The following CCM2L variants were observed in gnomAD, a reference collection of about 807,000 sequenced individuals.
The protein encoded by CCM2L is CCM2 like scaffold protein.
CCM2L carries 36 observed loss-of-function variants against 54.1 expected under a neutral mutation model. The observed-to-expected ratio is 0.67, with a 90% CI of 0.51 to 0.88. The LOEUF is 0.88. CCM2L is among the 40% of genes least tolerant of loss of function. The pLI, the probability that CCM2L is intolerant of heterozygous loss-of-function variation, is 0.00. For missense variants in CCM2L, 700 were observed against 812.1 expected (o/e 0.86, Z 1.68); for synonymous variants, 351 against 359.3 (o/e 0.98, Z 0.26).
chr20:32,028,645 G>T (rs2064886609), intron 7 of CCM2L: 1 of 241,346 alleles, frequency 4.1e-6, no homozygotes, highest in African/African-American at 2.2e-5. Flanking sequence ...GGGAATTAGG[G>T]AACACTCTCC....
At chr20:32,029,585 G>T in intron 8 of CCM2L, 115 bp from the exon 9 acceptor site, 11 of 1,356,140 alleles carry the variant, frequency 8.1e-6, no homozygotes, top group Non-Finnish European at 1.1e-5. Context: ...CCATGGGAAG[G>T]TTTTCAGAGG....
chr20:32,031,295 C>G lies in CCM2L; in HGVS notation c.1697C>G (p.Ala566Gly). ...GGCTCCAGGGGCGGGAGCGACGCCG[C>G]AGAAGACAACTACCTGTAGCCACCG... is the stretch of plus-strand genomic sequence containing the variant. ...PRGSRGGSDAAEDNYL is the reference protein window; with the variant it reads ...PRGSRGGSDAGEDNYL Residue 566 changes from alanine (A) to glycine (G), a missense_variant, in exon 10 of 10, where the codon GCA becomes GGA. Transcript: ENST00000452892. 1.6e-6 allele frequency: 2 copies of G among 1,286,010 alleles called. No homozygotes were observed. The highest frequency in any genetic ancestry group is 2.5e-5 in the South Asian group (2 of 80,834). The allele number at this position is 1,286,010 out of a possible 1,614,324, so 79.7% of individuals were successfully genotyped here. A position where few individuals can be genotyped will look rare whatever the true frequency, so the allele number is the denominator to read the frequency against.
intron 1 of CCM2L, 82 bp downstream of exon 1, chr20:32,010,566 G>C: frequency 2.0e-6 from 2 of 984,670 alleles, no homozygotes; most frequent in Non-Finnish European, 3.1e-6. Flanking sequence ...GGGGTGGGGG[G>C]TCGGTAGCGA....
intron 5 of CCM2L, 83 bp downstream of exon 5, chr20:32,019,492 C>G: frequency 9.4e-7 from 1 of 1,062,036 alleles, no homozygotes; most frequent in Non-Finnish European, 1.3e-6. Context: ...GCCCCACCCA[C>G]CAGGTTCCTA....
intron 1 of CCM2L, 80 bp downstream of exon 1, chr20:32,010,564 G>T (rs1470096733): frequency 9.2e-6 from 10 of 1,085,368 alleles, no homozygotes; most frequent in Non-Finnish European, 9.6e-6. Context: ...GCGGGGTGGG[G>T]GGTCGGTAGC....
intron 5 of CCM2L, 60 bp downstream of exon 5, chr20:32,019,469 C>A: frequency 8.1e-7 from 1 of 1,231,450 alleles, no homozygotes; most frequent in Non-Finnish European, 1.1e-6. Context: ...TTCCCCGCCC[C>A]CACCTTGCCC....
chr20:32,028,745 C>A (rs993691175), intron 7 of CCM2L: 1 of 502,626 alleles, frequency 2.0e-6, no homozygotes, highest in Non-Finnish European at 3.6e-6. Context: ...GAGGGACCAG[C>A]AGGTGCAAAC....
intron 7 of CCM2L, chr20:32,028,572 G>A: frequency 5.5e-6 from 1 of 180,374 alleles, no homozygotes; most frequent in Non-Finnish European, 1.2e-5. Flanking sequence ...GAAAGGCCAT[G>A]CATGTCACAG....
In CCM2L at chr20:32,032,136, G is replaced by A. The variant is rs1407605184; in HGVS notation, c.*822G>A. On this transcript the variant is annotated 3_prime_UTR_variant, in exon 10 of 10. Transcript: ENST00000452892. The stretch of plus-strand genomic sequence containing the variant: ...GGTTAAGACCTTAGAACTGGGTCTA[G>A]CACCCGATAAGAGCTCAATAAATGT... The A allele has an allele frequency of 1.3e-5, 2 of 152,224 alleles. No individual in the cohort carries two copies. The highest frequency in any genetic ancestry group is 2.9e-5 in the Non-Finnish European group (2 of 68,038). 9.4% of individuals were successfully genotyped at this position (152,224 alleles called of 1,614,324 possible).
intron 2 of CCM2L, 111 bp downstream of exon 2, chr20:32,015,182 A>G: frequency 8.6e-7 from 1 of 1,156,926 alleles, no homozygotes; most frequent in Non-Finnish European, 1.2e-6. Flanking sequence ...GTTGTGGCTC[A>G]TTGGAAAGAG....
At chr20:32,017,928 CCCTCTTCTA>C (rs761605677) in intron 3 of CCM2L, 42 bp from the exon 4 acceptor site, 24 of 1,613,318 alleles carry the variant, frequency 1.5e-5, no homozygotes, top group Admixed American at 5.0e-5. Flanking sequence ...GCTCCCTTCT[CCCTCTTCTA>C]CCTGCGGACC....
At chr20:32,014,626 G>A (rs1216988881) in intron 1 of CCM2L, among the ~76,000 whole-genome samples, 1 of 152,096 alleles carries the variant, frequency 6.6e-6, no homozygotes, top group Non-Finnish European at 1.5e-5. Context: ...AACCTGTTTG[G>A]CAGGAGCTAC....
chr20:32,015,127 C>T (rs746645229), intron 2 of CCM2L, 56 bp downstream of exon 2: 28 of 1,414,514 alleles, frequency 2.0e-5, no homozygotes, highest in Non-Finnish European at 2.5e-5. Flanking sequence ...ACCTTCACTT[C>T]TCCTTGACAC....
In CCM2L at chr20:32,019,370, C is replaced by T; in HGVS notation, c.894C>T (p.Asp298=). The stretch of plus-strand genomic sequence containing the variant: ...TCGACCCGCAGGACCCCAGCCCCGA[C>T]GCCTACTGCAACCTGGTCATCCTGG... The part of the protein sequence containing the change: ...NPLDPQDPSP[D]AYCNLVILAV... Residue 298 remains aspartate (D), a synonymous_variant, in exon 5 of 10, where the codon GAC becomes GAT. Coordinates refer to ENST00000452892, the MANE Select transcript of CCM2L (RefSeq NM_001365692.1). 1.3e-6 allele frequency: 2 copies of T among 1,523,276 alleles called. No individual in the cohort carries two copies. The highest frequency in any genetic ancestry group is 1.7e-6 in the Non-Finnish European group (2 of 1,143,640). The allele number at this position is 1,523,276 out of a possible 1,614,324, so 94.4% of individuals were successfully genotyped here.
In CCM2L at chr20:32,031,127, C is replaced by A. The variant is rs368034293; in HGVS notation, c.1529C>A (p.Thr510Lys). 9 of 1,303,980 alleles carry A rather than the reference C, an allele frequency of 6.9e-6. No individual in the cohort carries two copies. The highest frequency in any genetic ancestry group is 9.1e-6 in the Non-Finnish European group (9 of 988,952). 80.8% of individuals were successfully genotyped at this position (1,303,980 alleles called of 1,614,324 possible). The change falls in exon 10 of 10, where the codon ACG becomes AAG. Residue 510 changes from threonine to lysine, a missense_variant. By Grantham distance (78) the Thr-to-Lys change is moderately conservative. Transcript: ENST00000452892. Reference sequence around the variant, plus strand: ...CGCATCAAGCGCAGCATGAGCTCCACGTCGGCCTCCGCAGTGCGCAGCTAC... The same window carrying A: ...CGCATCAAGCGCAGCATGAGCTCCAAGTCGGCCTCCGCAGTGCGCAGCTAC... The part of the protein sequence containing the change: ...FGRIKRSMSS[T>K]SASAVRSYDG...
chr20:32,025,273 CTTTTA>C (rs2064847663), intron 6 of CCM2L, among the ~76,000 whole-genome samples: 2 of 90,978 alleles, frequency 2.2e-5, no homozygotes, highest in African/African-American at 8.3e-5. Flanking sequence ...TTTTTCTTTT[CTTTTA>C]TTTATTTTTT....
intron 5 of CCM2L, among the ~76,000 whole-genome samples, chr20:32,022,146 C>T (rs916392842): frequency 6.6e-6 from 1 of 150,418 alleles, no homozygotes; most frequent in African/African-American, 2.5e-5. Context: ...TAAACTCCTT[C>T]CTTCTATCAG....
At position 32,017,795 on chromosome 20, in the gene CCM2L, T is replaced by A; in HGVS notation, c.199-5T>A. ...TGTCCTTCTCTCACCCCGATTTCCA[T>A]CCAGTTCCTGGGCCACCTTACCTGG... On this transcript the variant is annotated splice_region_variant and splice_polypyrimidine_tract_variant and intron_variant, in intron 2 of 9. Coordinates refer to ENST00000452892, the MANE Select transcript of CCM2L (RefSeq NM_001365692.1). 1 of 1,613,940 alleles carries A rather than the reference T, an allele frequency of 6.2e-7. No individual in the cohort carries two copies. The highest frequency in any genetic ancestry group is 8.5e-7 in the Non-Finnish European group (1 of 1,179,866).
Position 32,031,332 on chromosome 20 carries a change from G to T in CCM2L, c.*18G>T. The T allele has an allele frequency of 1.6e-6, 2 of 1,256,344 alleles. No individual in the cohort carries two copies. Among genetic ancestry groups the T allele is most frequent in the Non-Finnish European group, 2.1e-6 (2 of 973,006 alleles). 77.8% of individuals were successfully genotyped at this position (1,256,344 alleles called of 1,614,324 possible). A position where few individuals can be genotyped will look rare whatever the true frequency, so the allele number is the denominator to read the frequency against. On this transcript the variant is annotated 3_prime_UTR_variant, in exon 10 of 10. Transcript: ENST00000452892. ...ACCTGTAGCCACCGCCCCTGCGGAC[G>T]GCGTGGCTCAGCAGCCCACCTCTGA...
Sources: gnomAD v4.1 joint callset for allele counts (sites outside exome capture counted in the v4.1 genomes callset) on GRCh38, gnomAD v4.1.1 for gene constraint, MANE v1.5 for transcripts, NCBI Gene and HGNC (gene_info 2026-07-23, HGNC 2026-07-21) for gene names.